The following RTL4 variants were observed in gnomAD, a reference collection of about 807,000 sequenced individuals.
RTL4 encodes retrotransposon Gag-like protein 4.
A neutral mutation model predicts 5.3 loss-of-function variants in RTL4; 4 were observed. The observed-to-expected ratio is 0.75, with a 90% CI of 0.37 to 1.72. RTL4 has a LOEUF of 1.72. RTL4 is among the 40% of genes most tolerant of loss of function. The probability of loss-of-function intolerance (pLI) is 0.04; values close to 1 mark genes in which losing one functional copy is unlikely to be tolerated. For synonymous variants in RTL4, 98 were observed against 87.3 expected (o/e 1.12, Z -0.68); for missense variants, 260 against 227.1 (o/e 1.14, Z -0.93).
the RTL4 span, among the ~76,000 whole-genome samples, chrX:112,111,441 G>A: frequency 3.6e-5 from 4 of 112,026 alleles, no homozygotes; most frequent in Non-Finnish European, 7.5e-5. Flanking sequence ...GATGGCTTTG[G>A]CAGTGTAAGA....
At chrX:112,400,829 A>G in the RTL4 span, among the ~76,000 whole-genome samples, 1 of 111,733 alleles carries the variant, frequency 8.9e-6, no homozygotes, top group East Asian at 2.8e-4. Context: ...AAATCTCTAT[A>G]GTTCTCCTTT....
At chrX:112,292,165 C>T in the RTL4 span, among the ~76,000 whole-genome samples, 1 of 111,676 alleles carries the variant, frequency 9.0e-6, no homozygotes, top group Non-Finnish European at 1.9e-5. Flanking sequence ...TGCTTTATAC[C>T]TCTATTCAGG....
chrX:112,186,071 G>T, the RTL4 span, among the ~76,000 whole-genome samples: 1 of 111,107 alleles, frequency 9.0e-6, no homozygotes, highest in Non-Finnish European at 1.9e-5. Flanking sequence ...TGATGTAGGT[G>T]ACCTGCAGGA....
At chrX:112,357,742 C>G in the RTL4 span, among the ~76,000 whole-genome samples, 2 of 111,598 alleles carry the variant, frequency 1.8e-5, no homozygotes, top group Non-Finnish European at 3.8e-5. Flanking sequence ...CTGATATAAT[C>G]AGAGCATGAT....
At chrX:112,118,240 C>T in the RTL4 span, among the ~76,000 whole-genome samples, 1 of 111,943 alleles carries the variant, frequency 8.9e-6, no homozygotes, top group East Asian at 2.8e-4. Context: ...TTCATCAGTT[C>T]GCAGACAAGA....
At chrX:112,452,805 G>A (rs1926763606), upstream of RTL4, among the ~76,000 whole-genome samples, 2 of 111,441 alleles carry the variant, frequency 1.8e-5, no homozygotes, top group Admixed American at 9.5e-5. Context: ...ACCGAGGCAG[G>A]CGGATCACCT....
chrX:112,106,334 A>G, the RTL4 span, among the ~76,000 whole-genome samples: 1 of 111,876 alleles, frequency 8.9e-6, no homozygotes, highest in African/African-American at 3.2e-5. Context: ...CTTTGGTATC[A>G]GGGTAATGCT....
the RTL4 span, among the ~76,000 whole-genome samples, chrX:112,340,976 C>T: frequency 2.7e-5 from 3 of 111,300 alleles, no homozygotes; most frequent in African/African-American, 9.8e-5. Context: ...CCCTGGCCTC[C>T]CAAAGTGCTG....
At chrX:112,318,262 A>G in the RTL4 span, among the ~76,000 whole-genome samples, 1 of 111,682 alleles carries the variant, frequency 9.0e-6, no homozygotes, top group Admixed American at 9.5e-5. Context: ...TCTCAGGCTA[A>G]ATGTCACCTC....
the RTL4 span, among the ~76,000 whole-genome samples, chrX:112,245,090 G>A: frequency 6.2e-5 from 7 of 112,054 alleles, no homozygotes; most frequent in Admixed American, 3.8e-4. Context: ...GCTTCCCTTT[G>A]TGGGTAACCT....
chrX:112,419,595 T>TTACATATGTATATGTGTATATATATA, the RTL4 span, among the ~76,000 whole-genome samples: 3 of 28,159 alleles, frequency 1.1e-4, no homozygotes, highest in Admixed American at 5.8e-4. Flanking sequence ...ATATATATAT[T>TTACATATGTATATGTGTATATATATA]TTTACATATG....
the RTL4 span, among the ~76,000 whole-genome samples, chrX:112,299,421 A>G: frequency 1.9e-4 from 21 of 112,512 alleles, no homozygotes; most frequent in Admixed American, 2.0e-3. Context: ...TTTTTTTAAT[A>G]CCACTGAACT....
chrX:112,375,156 A>G, the RTL4 span, among the ~76,000 whole-genome samples: 1 of 111,007 alleles, frequency 9.0e-6, no homozygotes, highest in Admixed American at 9.6e-5. Flanking sequence ...CCACAGAGTC[A>G]ATCTGACTGT....
At chrX:112,409,812 G>A in the RTL4 span, among the ~76,000 whole-genome samples, 4 of 110,609 alleles carry the variant, frequency 3.6e-5, no homozygotes, top group African/African-American at 1.3e-4. Context: ...AAGGGAAGAA[G>A]GAAGAGAAGA....
chrX:112,133,683 C>T, the RTL4 span, among the ~76,000 whole-genome samples: 4 of 112,001 alleles, frequency 3.6e-5, no homozygotes, highest in East Asian at 1.1e-3. Flanking sequence ...ACTGCTTAAT[C>T]CCTCTGTGCC....
At chrX:112,151,462 A>G in the RTL4 span, among the ~76,000 whole-genome samples, 5 of 111,994 alleles carry the variant, frequency 4.5e-5, no homozygotes, top group Admixed American at 4.7e-4. Context: ...CATTCAGTTT[A>G]TATTGGCTCA....
chrX:112,185,242 G>A, the RTL4 span, among the ~76,000 whole-genome samples: 3 of 109,364 alleles, frequency 2.7e-5, no homozygotes, highest in Non-Finnish European at 3.8e-5. Flanking sequence ...CAGTAGGGTA[G>A]TTTCCCTGTT....
chrX:112,300,638 C>A, the RTL4 span, among the ~76,000 whole-genome samples: 1 of 112,293 alleles, frequency 8.9e-6, no homozygotes, highest in African/African-American at 3.2e-5. Flanking sequence ...TAAATTTTTT[C>A]ACCATTTTGC....
chrX:112,183,260 G>A, the RTL4 span, among the ~76,000 whole-genome samples: 10 of 111,637 alleles, frequency 9.0e-5, no homozygotes, highest in Non-Finnish European at 1.5e-4. Context: ...ATCAACTAAC[G>A]GGCAAAATAA....
Sources: allele counts gnomAD v4.1 joint callset (sites outside exome capture counted in the v4.1 genomes callset), GRCh38; gene constraint gnomAD v4.1.1; transcripts MANE v1.5; gene names NCBI Gene and HGNC (gene_info 2026-07-23, HGNC 2026-07-21).